PRKG1: variants seen among roughly 807,000 people sequenced by gnomAD.
PRKG1 encodes cGMP-dependent protein kinase 1.
A neutral mutation model predicts 88.1 loss-of-function variants in PRKG1; 35 were observed. The observed-to-expected ratio is 0.40, with a 90% CI of 0.30 to 0.53. The LOEUF is 0.53. PRKG1 is among the 20% of genes least tolerant of loss of function. PRKG1 has a pLI of 0.59. For synonymous variants in PRKG1, 303 were observed against 292.5 expected (o/e 1.04, Z -0.37); for missense variants, 540 against 839.8 (o/e 0.64, Z 4.41).
chr10:51,454,403 G>A (rs936724390), intron 2 of PRKG1, among the ~76,000 whole-genome samples: 1 of 150,142 alleles, frequency 6.7e-6, no homozygotes, highest in African/African-American at 2.4e-5. Context: ...ATAGGCCATA[G>A]ACCAATGGAA....
chr10:51,724,047 T>C (rs1842074222), intron 3 of PRKG1, among the ~76,000 whole-genome samples: 1 of 152,136 alleles, frequency 6.6e-6, no homozygotes, highest in Non-Finnish European at 1.5e-5. Context: ...GAGATTAGTG[T>C]GTGTGTCTGA....
intron 3 of PRKG1, among the ~76,000 whole-genome samples, chr10:51,780,860 C>T (rs1838569400): frequency 6.6e-6 from 1 of 152,138 alleles, no homozygotes; most frequent in African/African-American, 2.4e-5. Flanking sequence ...AAGAAGATGG[C>T]CTATTTTTTC....
At chr10:51,484,936 A>G (rs1291735698) in intron 3 of PRKG1, among the ~76,000 whole-genome samples, 1 of 152,238 alleles carries the variant, frequency 6.6e-6, no homozygotes, top group East Asian at 1.9e-4. Flanking sequence ...AGAGATAATT[A>G]GCACTGATTA....
intron 4 of PRKG1, among the ~76,000 whole-genome samples, chr10:51,839,792 CCCA>C (rs1840224394): frequency 6.6e-6 from 1 of 152,182 alleles, no homozygotes; most frequent in African/African-American, 2.4e-5. Flanking sequence ...TTCTCACTGA[CCCA>C]GTCCCATGAG....
intron 5 of PRKG1, among the ~76,000 whole-genome samples, chr10:51,993,053 A>G (rs1434586876): frequency 1.3e-5 from 2 of 152,208 alleles, no homozygotes; most frequent in Non-Finnish European, 2.9e-5. Flanking sequence ...CATCTGAATG[A>G]GACATAATAT....
At chr10:51,688,051 G>A (rs929041077) in intron 3 of PRKG1, among the ~76,000 whole-genome samples, 1 of 152,150 alleles carries the variant, frequency 6.6e-6, no homozygotes, top group African/African-American at 2.4e-5. Flanking sequence ...GCTAGTGGAA[G>A]GGAAGCCATG....
Position 52,287,615 on chromosome 10 carries a change from A to G in PRKG1, c.1710-1111A>G, listed in dbSNP as rs548685367. Among the ~76,000 whole-genome samples, 16 of 151,824 alleles carry G rather than the reference A, an allele frequency of 1.1e-4. No individual in the cohort carries two copies. In the East Asian group the frequency reaches 3.1e-3, roughly 30 times the overall value. On this transcript the variant is annotated intron_variant, in intron 14 of 17. Transcript: ENST00000373980. ...ATCATCATCTCCCCTCTGAATTGTG[A>G]GAAATTTGAAGGAAAGACCTGACTT...
At chr10:51,281,551 C>T (rs1363592109) in intron 2 of PRKG1, among the ~76,000 whole-genome samples, 1 of 152,118 alleles carries the variant, frequency 6.6e-6, no homozygotes, top group African/African-American at 2.4e-5. Flanking sequence ...AACAAAGCGG[C>T]CTGGAAGCTC....
chr10:52,049,215 A>G (rs190299903), intron 5 of PRKG1, among the ~76,000 whole-genome samples: 8 of 152,266 alleles, frequency 5.3e-5, no homozygotes, highest in South Asian at 4.1e-4. Context: ...GCACACTGGT[A>G]AGATTGGCCA....
At chr10:51,928,525 A>G (rs1381114506) in intron 5 of PRKG1, among the ~76,000 whole-genome samples, 1 of 152,216 alleles carries the variant, frequency 6.6e-6, no homozygotes, top group Non-Finnish European at 1.5e-5. Context: ...TAAGTGGAGG[A>G]GGGCATGGTA....
intron 3 of PRKG1, among the ~76,000 whole-genome samples, chr10:51,469,569 C>T (rs906160529): frequency 1.3e-5 from 2 of 151,902 alleles, no homozygotes; most frequent in African/African-American, 4.8e-5. Flanking sequence ...TTCGTCTGCA[C>T]TAACATCTAT....
At chr10:51,171,790 ATTATG>A (rs1837032741) in intron 2 of PRKG1, among the ~76,000 whole-genome samples, 1 of 152,060 alleles carries the variant, frequency 6.6e-6, no homozygotes. Context: ...GTCAGGAACT[ATTATG>A]TTCTCTCTAA....
chr10:51,665,493 G>A (rs1163768714), intron 3 of PRKG1, among the ~76,000 whole-genome samples: 1 of 152,000 alleles, frequency 6.6e-6, no homozygotes, highest in Non-Finnish European at 1.5e-5. Context: ...TCCACCCATA[G>A]TCAACATTTT....
chr10:52,286,209 T>TGGGA (rs1289715928), intron 14 of PRKG1, among the ~76,000 whole-genome samples: 1 of 152,052 alleles, frequency 6.6e-6, no homozygotes, highest in Admixed American at 6.6e-5. Flanking sequence ...TGTGTGGTAT[T>TGGGA]GGGAGTGAAG....
At chr10:52,190,590 C>T (rs7089983) in intron 9 of PRKG1, among the ~76,000 whole-genome samples, 118,106 of 151,994 alleles carry the variant, frequency 0.78, 47,625 homozygotes, top group Non-Finnish European at 0.89. Context: ...GAAATTGAGG[C>T]CTATGGAGGT....
At chr10:51,354,695 G>A (rs1842327324) in intron 2 of PRKG1, among the ~76,000 whole-genome samples, 1 of 151,920 alleles carries the variant, frequency 6.6e-6, no homozygotes, top group Non-Finnish European at 1.5e-5. Context: ...ATATTGCTTT[G>A]AGATAGTTAC....
chr10:51,854,309 ACT>A (rs1170244105), intron 4 of PRKG1, among the ~76,000 whole-genome samples: 1 of 152,138 alleles, frequency 6.6e-6, no homozygotes, highest in Non-Finnish European at 1.5e-5. Context: ...GAACCAGCTC[ACT>A]GAGAAGACAA....
At chr10:51,817,104 T>C (rs1228957345) in intron 4 of PRKG1, among the ~76,000 whole-genome samples, 1 of 152,192 alleles carries the variant, frequency 6.6e-6, no homozygotes, top group East Asian at 1.9e-4. Flanking sequence ...TTTATGTGCG[T>C]TGAACTCTGT....
At chr10:51,820,320 C>T (rs60429788) in intron 4 of PRKG1, among the ~76,000 whole-genome samples, 20,781 of 151,874 alleles carry the variant, frequency 0.14, 1,926 homozygotes, top group African/African-American at 0.26. Context: ...TTTCTTATGC[C>T]GCCACCATCT....
Sources: allele counts gnomAD v4.1 joint callset (sites outside exome capture counted in the v4.1 genomes callset), GRCh38; gene constraint gnomAD v4.1.1; transcripts MANE v1.5; gene names NCBI Gene and HGNC (gene_info 2026-07-23, HGNC 2026-07-21).